The following IGFL4 variants were observed in gnomAD, a reference collection of about 807,000 sequenced individuals.
IGFL4 encodes the protein IGF like family member 4.
IGFL4 carries 12 observed loss-of-function variants against 15.4 expected under a neutral mutation model. The observed-to-expected ratio is 0.78, with a 90% CI of 0.50 to 1.26. The LOEUF is 1.26. Among genes scored for constraint, IGFL4 ranks in the 50% most tolerant of loss-of-function variants. The pLI is 0.00. For missense variants in IGFL4, 126 were observed against 147.8 expected (o/e 0.85, Z 0.76); for synonymous variants, 54 against 55.9 (o/e 0.97, Z 0.16).
Position 46,040,410 on chromosome 19 carries a change from C to G in IGFL4, c.77G>C (p.Arg26Thr). 1 of 1,614,100 alleles carries G rather than the reference C, an allele frequency of 6.2e-7. No homozygotes were observed. Among genetic ancestry groups the G allele is most frequent in the African/African-American group, 1.3e-5 (1 of 75,044 alleles). The change falls in exon 3 of 4, where the codon AGA (arginine) becomes ACA (threonine). Residue 26 changes from arginine (R) to threonine (T), a missense_variant. Physicochemically the swap from Arg to Thr is moderately conservative, Grantham distance 71 (BLOSUM62 -1). Coordinates refer to ENST00000377697, the MANE Select transcript of IGFL4 (RefSeq NM_001002923.3). The surrounding 1 kb of genome is among the most constrained non-coding windows in gnomAD (Gnocchi z 4.1). The part of the protein sequence containing the change: ...GSNSEGVTDL[R>T]LWLCQPAPRC... ...GGGCGCTGGCTGGCATAGCCACAGT[C>G]TAAGATCTGGAAGAGTCGGGGCTGG...
chr19:46,073,850 CTGAA>C (rs1032460283), intron 1 of IGFL4, among the ~76,000 whole-genome samples: 13 of 152,152 alleles, frequency 8.5e-5, no homozygotes, highest in African/African-American at 3.1e-4. Context: ...GTCAGAATGA[CTGAA>C]AGTATTTTTT....
upstream of IGFL4, among the ~76,000 whole-genome samples, chr19:46,042,060 C>T (rs1037277179): frequency 2.9e-4 from 26 of 90,222 alleles, no homozygotes; most frequent in African/African-American, 1.1e-3. Context: ...TCTTGGAATC[C>T]TGAGCTCAAG....
At chr19:46,058,255 C>T (rs373593683) in intron 2 of IGFL4, 3 of 152,268 alleles carry the variant, frequency 2.0e-5, no homozygotes, top group Admixed American at 2.0e-4. Flanking sequence ...GATGGAGGGG[C>T]TACAGGCCCC....
intron 1 of IGFL4, among the ~76,000 whole-genome samples, chr19:46,066,185 T>A (rs752702131): frequency 1.1e-4 from 16 of 152,140 alleles, no homozygotes; most frequent in South Asian, 2.1e-4. Context: ...ACACCATATA[T>A]CAAGGAATCC....
At chr19:46,056,307 G>C (rs1969392174) in intron 2 of IGFL4, among the ~76,000 whole-genome samples, 1 of 152,178 alleles carries the variant, frequency 6.6e-6, no homozygotes, top group Admixed American at 6.5e-5. Flanking sequence ...ATATTGTCTA[G>C]TGGTTACAAC....
chr19:46,057,873 A>G (rs1208644352), intron 2 of IGFL4: 2 of 152,160 alleles, frequency 1.3e-5, no homozygotes, highest in Non-Finnish European at 2.9e-5. Context: ...ACAGCATGGG[A>G]AAGACCCGTC....
intron 1 of IGFL4, among the ~76,000 whole-genome samples, chr19:46,076,611 G>A (rs1286949482): frequency 6.7e-6 from 1 of 150,160 alleles, no homozygotes; most frequent in African/African-American, 2.4e-5. Flanking sequence ...AGGTCAAATT[G>A]TATACATTTT....
At chr19:46,056,754 T>C (rs982596745) in intron 2 of IGFL4, among the ~76,000 whole-genome samples, 2 of 152,106 alleles carry the variant, frequency 1.3e-5, no homozygotes, top group East Asian at 3.9e-4. Flanking sequence ...CTGGAATTCT[T>C]TTTACATCTA....
At chr19:46,050,213 G>T (rs541174870) in intron 2 of IGFL4, among the ~76,000 whole-genome samples, 1 of 152,266 alleles carries the variant, frequency 6.6e-6, no homozygotes, top group African/African-American at 2.4e-5. Context: ...CTGCCCAAAC[G>T]AGAAAGGAAC....
In IGFL4 at chr19:46,051,526, C is replaced by T. The variant is rs920077127; in HGVS notation, c.-323+8659G>A. On this transcript the variant is annotated intron_variant, in intron 2 of 5. Coordinates refer to the IGFL4 transcript ENST00000601672. ...TGCCGCTGCACTCCAACCTGGGTGA[C>T]GGAGTGAGACTTTGTCTCAAAAAAC... Among the ~76,000 whole-genome samples, 8 of 152,134 alleles carry T rather than the reference C, an allele frequency of 5.3e-5. No individual in the cohort carries two copies. The South Asian group carries it at 6.2e-4, about 12-fold the overall frequency.
At chr19:46,077,250 G>C (rs1172708135), upstream of IGFL4, 1 of 152,242 alleles carries the variant, frequency 6.6e-6, no homozygotes, top group East Asian at 1.9e-4. This position sits in a 1 kb window ranked among gnomAD's most constrained non-coding sequence, Gnocchi z 5.4. Flanking sequence ...GAGCAGAGGC[G>C]GATTTGCGAG....
intron 2 of IGFL4, among the ~76,000 whole-genome samples, chr19:46,055,503 T>G (rs1388952628): frequency 3.3e-5 from 5 of 152,194 alleles, no homozygotes; most frequent in Non-Finnish European, 5.9e-5. Context: ...CTAGAATATT[T>G]CCATTCAACA....
chr19:46,066,653 G>A (rs1178290644), intron 1 of IGFL4, among the ~76,000 whole-genome samples: 4 of 152,186 alleles, frequency 2.6e-5, no homozygotes, highest in Non-Finnish European at 4.4e-5. Context: ...GCAGGAGCAA[G>A]CATGTCACAT....
At chr19:46,047,925 A>G (rs1054256450) in intron 2 of IGFL4, among the ~76,000 whole-genome samples, 2 of 152,254 alleles carry the variant, frequency 1.3e-5, no homozygotes, top group African/African-American at 4.8e-5. Context: ...CTATGAGCCC[A>G]GCATCATCCT....
At chr19:46,050,872 G>A (rs1195388319) in intron 2 of IGFL4, among the ~76,000 whole-genome samples, 1 of 152,152 alleles carries the variant, frequency 6.6e-6, no homozygotes, top group Admixed American at 6.5e-5. Flanking sequence ...TAGTCACCAG[G>A]TTATCTAAAG....
chr19:46,052,830 T>G (rs1969357863), intron 2 of IGFL4, among the ~76,000 whole-genome samples: 1 of 151,474 alleles, frequency 6.6e-6, no homozygotes, highest in Non-Finnish European at 1.5e-5. Context: ...ACATGTTTTA[T>G]TCCCTAGAAT....
chr19:46,041,672 C>T (rs1969244779), upstream of IGFL4, among the ~76,000 whole-genome samples: 1 of 150,760 alleles, frequency 6.6e-6, no homozygotes, highest in Admixed American at 6.6e-5. Context: ...TTACATGTGG[C>T]GTATTTTTAG....
At chr19:46,063,406 T>G (rs1243018939) in intron 1 of IGFL4, among the ~76,000 whole-genome samples, 2 of 151,822 alleles carry the variant, frequency 1.3e-5, no homozygotes, top group Non-Finnish European at 2.9e-5. Flanking sequence ...CATCACTAAC[T>G]CAGTTCAAAG....
chr19:46,048,317 T>G (rs1969315617), intron 2 of IGFL4, among the ~76,000 whole-genome samples: 1 of 152,188 alleles, frequency 6.6e-6, no homozygotes, highest in Non-Finnish European at 1.5e-5. Context: ...AATATCATAC[T>G]GAATGGGTAA....
Sources: gnomAD v4.1 joint callset for allele counts (sites outside exome capture counted in the v4.1 genomes callset) on GRCh38, gnomAD v4.1.1 for gene constraint, Gnocchi (gnomAD v3.1) non-coding constraint, MANE v1.5 for transcripts, NCBI Gene and HGNC (gene_info 2026-07-23, HGNC 2026-07-21) for gene names.